Variants in PLXDC2 observed in about 807,000 individuals in gnomAD.
PLXDC2 encodes plexin domain containing 2.
In PLXDC2, 40 loss-of-function variants were observed where a neutral mutation model predicts 68.9. The ratio of observed to expected loss-of-function variants is 0.58; its 90% confidence interval spans 0.45 to 0.76. PLXDC2 has a LOEUF of 0.76. Ranked by LOEUF, PLXDC2 falls within the 30% of genes least tolerant of loss-of-function variation. The pLI, the probability that PLXDC2 is intolerant of heterozygous loss-of-function variation, is 0.00. For missense variants in PLXDC2, 644 were observed against 661.9 expected, an observed-to-expected ratio of 0.97 and a Z score of 0.30; for synonymous variants, 243 against 234.2, an observed-to-expected ratio of 1.04 and a Z score of -0.34.
rs187591427 is a variant in PLXDC2, at chr10:20,031,688, T to G, written c.325-15181T>G. ...GGTGACAAAGCCAAATAAATTAGCC[T>G]TGTAAAATATAAAGAAGCGCTAACA... On this transcript the variant is annotated intron_variant, in intron 2 of 13. Coordinates refer to ENST00000377252, the MANE Select transcript of PLXDC2 (RefSeq NM_032812.9). Among the ~76,000 whole-genome samples, 358 of 152,222 alleles carry G rather than the reference T, an allele frequency of 2.4e-3. 9 individuals are homozygous for G. The highest frequency in any genetic ancestry group is 0.022 in the Admixed American group (337 of 15,270).
chr10:19,923,166 T>C (rs570692219), intron 1 of PLXDC2, among the ~76,000 whole-genome samples: 3 of 152,338 alleles, frequency 2.0e-5, no homozygotes, highest in African/African-American at 4.8e-5. Context: ...AGGTGTGTTG[T>C]TGAGTGCTAG....
chr10:19,927,890 C>T (rs1190952725), intron 1 of PLXDC2, among the ~76,000 whole-genome samples: 1 of 151,898 alleles, frequency 6.6e-6, no homozygotes, highest in East Asian at 1.9e-4. Flanking sequence ...TAAAGTGCAC[C>T]TGTCAAGTGG....
At chr10:20,088,208 G>C (rs562873049) in intron 4 of PLXDC2, among the ~76,000 whole-genome samples, 1 of 152,082 alleles carries the variant, frequency 6.6e-6, no homozygotes, top group Admixed American at 6.6e-5. Context: ...GTAGAGTAAC[G>C]ATATCTCCTA....
chr10:20,163,943 T>C (rs1834339507), intron 6 of PLXDC2, among the ~76,000 whole-genome samples: 1 of 152,192 alleles, frequency 6.6e-6, no homozygotes, highest in African/African-American at 2.4e-5. Flanking sequence ...ATTGCCAAAT[T>C]TAATTAGATA....
At chr10:19,977,204 A>G (rs752217757) in intron 1 of PLXDC2, among the ~76,000 whole-genome samples, 3 of 152,202 alleles carry the variant, frequency 2.0e-5, no homozygotes, top group Non-Finnish European at 4.4e-5. Context: ...GATGGATCCA[A>G]CCAGGTCTTT....
At chr10:20,147,727 A>G (rs1005176929) in intron 5 of PLXDC2, 57 bp from the exon 6 acceptor site, 9 of 1,111,044 alleles carry the variant, frequency 8.1e-6, no homozygotes, top group Admixed American at 2.1e-5. Flanking sequence ...AACTCCCACC[A>G]GAATTGATTG....
At position 20,288,974 on chromosome 10, in the gene PLXDC2, G is replaced by A. The variant is rs998641012; in HGVS notation, c.*9155G>A. 1 of 152,170 alleles carries A rather than the reference G, an allele frequency of 6.6e-6. No homozygotes were observed. The highest frequency in any genetic ancestry group is 1.5e-5 in the Non-Finnish European group (1 of 68,034). 9.4% of individuals were successfully genotyped at this position (152,170 alleles called of 1,614,324 possible). On this transcript the variant is annotated 3_prime_UTR_variant, in exon 14 of 14. Transcript: ENST00000377252. ...AAATTTGGGATTTTAGAAGGGGGAG[G>A]AGGGAGCTATTTGTGTAAGACTGCT... is the stretch of plus-strand genomic sequence containing the variant.
chr10:20,009,525 A>G (rs1835076129), intron 2 of PLXDC2, among the ~76,000 whole-genome samples: 2 of 152,006 alleles, frequency 1.3e-5, no homozygotes, highest in Admixed American at 1.3e-4. Flanking sequence ...GAAATCTTCC[A>G]AATGCTTGTA....
At chr10:19,842,498 C>T (rs1318927435) in intron 1 of PLXDC2, among the ~76,000 whole-genome samples, 3 of 152,178 alleles carry the variant, frequency 2.0e-5, no homozygotes, top group African/African-American at 7.2e-5. Flanking sequence ...AATGTCCTTG[C>T]TCTCTGTTGA....
At chr10:19,875,001 G>A (rs572306003) in intron 1 of PLXDC2, among the ~76,000 whole-genome samples, 87 of 152,198 alleles carry the variant, frequency 5.7e-4, no homozygotes, top group Non-Finnish European at 9.3e-4. Flanking sequence ...TCGTCATGGG[G>A]CAGATGATTC....
At chr10:19,827,897 C>A (rs1041847632) in intron 1 of PLXDC2, among the ~76,000 whole-genome samples, 1 of 152,114 alleles carries the variant, frequency 6.6e-6, no homozygotes, top group Non-Finnish European at 1.5e-5. Flanking sequence ...TTGACTGTGA[C>A]CTTTTTTAGT....
intron 9 of PLXDC2, among the ~76,000 whole-genome samples, chr10:20,181,595 G>A (rs932095286): frequency 6.6e-6 from 1 of 151,994 alleles, no homozygotes; most frequent in Non-Finnish European, 1.5e-5. Flanking sequence ...AAAGAGCCTT[G>A]CAATGCCATT....
chr10:20,065,542 G>A lies in PLXDC2; in HGVS notation c.472-2628G>A, dbSNP rs746255736. 1.0e-3 allele frequency among the ~76,000 whole-genome samples: 152 copies of A among 152,128 alleles called. 1 individual carries two copies. The highest frequency in any genetic ancestry group is 3.3e-3 in the African/African-American group (137 of 41,414). On this transcript the variant is annotated intron_variant, in intron 3 of 13. Coordinates refer to ENST00000377252, the MANE Select transcript of PLXDC2 (RefSeq NM_032812.9). Reference sequence around the variant, plus strand: ...ATGATTCAGGCACATTGCATTTATCGTGCACTTTATTTCTATTATTATTAC... The same window carrying A: ...ATGATTCAGGCACATTGCATTTATCATGCACTTTATTTCTATTATTATTAC...
intron 1 of PLXDC2, among the ~76,000 whole-genome samples, chr10:19,941,599 G>C (rs1432196226): frequency 6.6e-6 from 1 of 152,104 alleles, no homozygotes; most frequent in Non-Finnish European, 1.5e-5. Context: ...TCTCTCTTAA[G>C]CCAGTTCAAA....
chr10:19,828,688 C>A (rs2131307312), intron 1 of PLXDC2, among the ~76,000 whole-genome samples: 1 of 152,298 alleles, frequency 6.6e-6, no homozygotes, highest in East Asian at 1.9e-4. Flanking sequence ...TGCAGGAAGC[C>A]AGATTGGTGC....
chr10:20,109,244 G>A (rs1484060119), intron 4 of PLXDC2, among the ~76,000 whole-genome samples: 1 of 152,178 alleles, frequency 6.6e-6, no homozygotes, highest in Non-Finnish European at 1.5e-5. Flanking sequence ...TTGCCAGGAG[G>A]CATTTAGCAG....
chr10:20,012,467 C>T (rs976375028), intron 2 of PLXDC2, among the ~76,000 whole-genome samples: 17 of 151,066 alleles, frequency 1.1e-4, no homozygotes, highest in African/African-American at 3.4e-4. Context: ...ACAGTGCCAC[C>T]ACCACGCCCA....
At chr10:20,124,253 G>A (rs962388771) in intron 4 of PLXDC2, among the ~76,000 whole-genome samples, 5 of 152,136 alleles carry the variant, frequency 3.3e-5, no homozygotes, top group Non-Finnish European at 4.4e-5. Context: ...CGGATAAAAC[G>A]TGTCTCCTTT....
chr10:20,061,788 G>T (rs535824090), intron 3 of PLXDC2, among the ~76,000 whole-genome samples: 1 of 152,082 alleles, frequency 6.6e-6, no homozygotes, highest in Non-Finnish European at 1.5e-5. Context: ...TGAAGACATC[G>T]TAACATTGCC....
Sources: gnomAD v4.1 joint callset for allele counts (sites outside exome capture counted in the v4.1 genomes callset) on GRCh38, gnomAD v4.1.1 for gene constraint, MANE v1.5 for transcripts, NCBI Gene and HGNC (gene_info 2026-07-23, HGNC 2026-07-21) for gene names.